The following RWDD2B variants were observed in gnomAD, a reference collection of about 807,000 sequenced individuals.
RWDD2B encodes the protein RWD domain containing 2B.
RWDD2B carries 36 observed loss-of-function variants against 33.6 expected under a neutral mutation model. The ratio of observed to expected loss-of-function variants is 1.07; its 90% CI spans 0.82 to 1.42. The LOEUF is 1.42. Ranked by LOEUF, RWDD2B falls within the 40% of genes most tolerant of loss-of-function variation. RWDD2B has a pLI of 0.00. For missense variants in RWDD2B, 364 were observed against 377.5 expected (o/e 0.96, Z 0.30); for synonymous variants, 126 against 133.1 (o/e 0.95, Z 0.37).
chr21:29,011,976 T>A lies in RWDD2B; in HGVS notation c.68-3355A>T, dbSNP rs1469415206. Among the ~76,000 whole-genome samples, 13 of 118,002 alleles carry A rather than the reference T, an allele frequency of 1.1e-4. 1 individual carries two copies. In the East Asian group the frequency reaches 3.6e-3, roughly 33 times the overall value. The allele number at this position is 118,002 out of a possible 152,430, so 77.4% of individuals were successfully genotyped here. ...GCCCCCGACCCGGCCAGCCGCGCCG[T>A]CCGGGAGGGAGGTGGGGGGGTCAGC... On this transcript the variant is annotated intron_variant, in intron 1 of 4. Transcript: ENST00000493196.
chr21:29,012,382 G>A lies in RWDD2B; in HGVS notation c.68-3761C>T, dbSNP rs539480661. 1.1e-3 allele frequency among the ~76,000 whole-genome samples: 167 copies of A among 152,286 alleles called. 2 individuals are homozygous for A. Among genetic ancestry groups the A allele is most frequent in the African/African-American group, 3.9e-3 (163 of 41,562 alleles). On this transcript the variant is annotated intron_variant, in intron 1 of 4. Coordinates refer to ENST00000493196, the MANE Select transcript of RWDD2B (RefSeq NM_016940.3). ...GAAATCGGATGGTTGCTGTGTCTGT[G>A]TAGAAAGAGGTAGACATGGGAGACT...
rs1488661908 is a variant in RWDD2B, at chr21:29,005,962, T to A, written c.*455A>T. 1 of 153,670 alleles carries A rather than the reference T, an allele frequency of 6.5e-6. No individual in the cohort carries two copies. The highest frequency in any genetic ancestry group is 2.4e-5 in the African/African-American group (1 of 41,414). The allele number at this position is 153,670 out of a possible 1,614,324, so 9.5% of individuals were successfully genotyped here. A position where few individuals can be genotyped will look rare whatever the true frequency, so the allele number is the denominator to read the frequency against. On this transcript the variant is annotated 3_prime_UTR_variant, in exon 5 of 5. Coordinates refer to ENST00000493196, the MANE Select transcript of RWDD2B (RefSeq NM_016940.3). The stretch of plus-strand genomic sequence containing the variant: ...AGGAGGTGGCCTAGCTGCATATGTA[T>A]CTTTAATCAGGAAGTAAAAGTTTTC...
chr21:29,013,682 C>T (rs1223215940), intron 1 of RWDD2B, among the ~76,000 whole-genome samples: 3 of 145,574 alleles, frequency 2.1e-5, no homozygotes, highest in African/African-American at 7.8e-5. Flanking sequence ...GAGTGAGACT[C>T]CGTCTCAAAA....
At chr21:29,011,667 G>A (rs1292552159) in intron 1 of RWDD2B, among the ~76,000 whole-genome samples, 25 of 133,756 alleles carry the variant, frequency 1.9e-4, no homozygotes, top group African/African-American at 6.7e-4. Flanking sequence ...CCGGCCAGCC[G>A]CCCCGTCCGG....
At chr21:29,012,076 A>G (rs2084865623) in intron 1 of RWDD2B, among the ~76,000 whole-genome samples, 3 of 130,226 alleles carry the variant, frequency 2.3e-5, no homozygotes, top group Non-Finnish European at 3.3e-5. Context: ...GGAAGTGAGG[A>G]GCCCCTCTGC....
intron 1 of RWDD2B, among the ~76,000 whole-genome samples, chr21:29,014,178 G>A (rs909696769): frequency 2.0e-5 from 3 of 152,200 alleles, no homozygotes; most frequent in African/African-American, 7.2e-5. Flanking sequence ...GCGGAAGGCA[G>A]AGGGCAAGAG....
In RWDD2B at chr21:29,008,508, G is replaced by A; in HGVS notation, c.181C>T (p.Gln61Ter). Residue 61 changes from glutamine to a stop codon, truncating the protein, a stop_gained, in exon 2 of 5, where the codon CAG becomes TAG. Transcript: ENST00000493196. LOFTEE classifies it high-confidence loss of function. ...PGENELIVND[Q>*]LAVAELKDCI... ...TCTTTCAGTTCTGCTACAGCCAGCT[G>A]GTCATTCACTATGAGCTCATTCTCA... The A allele has an allele frequency of 6.2e-7, 1 of 1,614,104 alleles. No individual in the cohort carries two copies. The highest frequency in any genetic ancestry group is 8.5e-7 in the Non-Finnish European group (1 of 1,180,008).
Position 29,008,564 on chromosome 21 carries a change from T to C in RWDD2B, c.125A>G (p.Glu42Gly). ...GAACATACTGGCTAGCAGGTCTAAC[T>C]CAGCAAGCTGGGCCTCCGCCTGCTC... ...EMEQAEAQLA[E>G]LDLLASMFPG... is the part of the protein sequence containing the mutation. The change falls in exon 2 of 5, where the codon GAG becomes GGG. Residue 42 changes from glutamate to glycine, a missense_variant. Transcript: ENST00000493196. 1 of 1,614,114 alleles carries C rather than the reference T, an allele frequency of 6.2e-7. No individual in the cohort carries two copies. The highest frequency in any genetic ancestry group is 2.2e-5 in the East Asian group (1 of 44,880).
At chr21:29,015,528 C>CTTT (rs1207154307) in intron 1 of RWDD2B, among the ~76,000 whole-genome samples, 3 of 114,700 alleles carry the variant, frequency 2.6e-5, no homozygotes, top group Non-Finnish European at 5.6e-5. Context: ...CACACCTAGT[C>CTTT]TTTTTTTTTT....
intron 1 of RWDD2B, among the ~76,000 whole-genome samples, chr21:29,014,714 A>C (rs923527578): frequency 6.6e-6 from 1 of 152,134 alleles, no homozygotes; most frequent in African/African-American, 2.4e-5. Flanking sequence ...CCAGCTACTC[A>C]GGAGGCTGAG....
chr21:29,010,177 T>C (rs2084849565), intron 1 of RWDD2B, among the ~76,000 whole-genome samples: 1 of 152,206 alleles, frequency 6.6e-6, no homozygotes, highest in South Asian at 2.1e-4. Flanking sequence ...CAGAGGTGGA[T>C]TGTTGTATCA....
intron 1 of RWDD2B, among the ~76,000 whole-genome samples, chr21:29,016,972 T>TC: frequency 6.6e-6 from 1 of 151,860 alleles, no homozygotes; most frequent in South Asian, 2.1e-4. Flanking sequence ...AAAACCTTTT[T>TC]TTTTGAGACA....
At chr21:29,014,093 T>C (rs148588759) in intron 1 of RWDD2B, among the ~76,000 whole-genome samples, 124 of 152,372 alleles carry the variant, frequency 8.1e-4, no homozygotes, top group Middle Eastern at 3.4e-3. Context: ...ATTTGGCTTA[T>C]TGTTCTGGAA....
At position 29,018,848 on chromosome 21, in the gene RWDD2B, T is replaced by C. The variant is rs569149115; in HGVS notation, c.67+363A>G. Among the ~76,000 whole-genome samples, 22 of 152,270 alleles carry C rather than the reference T, an allele frequency of 1.4e-4. 1 individual carries two copies. The South Asian group carries it at 4.3e-3, about 30-fold the overall frequency. On this transcript the variant is annotated intron_variant, in intron 1 of 4. Coordinates refer to ENST00000493196, the MANE Select transcript of RWDD2B (RefSeq NM_016940.3). ...TTTATTATTTTTTTAAAAAATAAAA[T>C]ATATTTAAGAGAACGCAGACTGAAA...
intron 1 of RWDD2B, 76 bp downstream of exon 1, chr21:29,019,135 A>G: frequency 8.0e-7 from 1 of 1,252,790 alleles, no homozygotes; most frequent in East Asian, 2.5e-5. Context: ...CACGTTCCCA[A>G]AGGGTTGCAC....
At chr21:29,012,064 T>A (rs1193948821) in intron 1 of RWDD2B, among the ~76,000 whole-genome samples, 1 of 132,824 alleles carries the variant, frequency 7.5e-6, no homozygotes, top group Non-Finnish European at 1.6e-5. Context: ...CCGCCCCTAC[T>A]GGGAAGTGAG....
At chr21:29,017,134 G>A (rs1292186193) in intron 1 of RWDD2B, among the ~76,000 whole-genome samples, 1 of 151,542 alleles carries the variant, frequency 6.6e-6, no homozygotes, top group Non-Finnish European at 1.5e-5. Flanking sequence ...GGCTCCCAAA[G>A]TGCTGGGATT....
Position 29,006,599 on chromosome 21 carries a change from G to A in RWDD2B, c.778C>T (p.Pro260Ser). 2.5e-6 allele frequency: 4 copies of A among 1,613,094 alleles called. No homozygotes were observed. Among genetic ancestry groups the A allele is most frequent in the Non-Finnish European group, 3.4e-6 (4 of 1,179,654 alleles). ...RILIRHREDI[P>S]FDGTNDETER... Reference sequence around the variant, plus strand: ...GTTTCATCATTTGTACCATCAAAAGGAATGTCTTCTCGATGGCGAATTAAA... The same window carrying A: ...GTTTCATCATTTGTACCATCAAAAGAAATGTCTTCTCGATGGCGAATTAAA... The change falls in exon 5 of 5, where the codon CCT becomes TCT. Residue 260 changes from proline (P) to serine (S), a missense_variant. By Grantham distance (74) the Pro-to-Ser change is moderately conservative. Transcript: ENST00000493196.
intron 3 of RWDD2B, 34 bp from the exon 4 acceptor site, chr21:29,008,157 G>T (rs1238696860): frequency 6.2e-7 from 1 of 1,610,866 alleles, no homozygotes; most frequent in African/African-American, 1.3e-5. Context: ...ATATTGTCTT[G>T]GAACAGAAAA....
Sources: gnomAD v4.1 joint callset for allele counts (sites outside exome capture counted in the v4.1 genomes callset) on GRCh38, gnomAD v4.1.1 for gene constraint, MANE v1.5 for transcripts, NCBI Gene and HGNC (gene_info 2026-07-23, HGNC 2026-07-21) for gene names.